The following STUM variants were observed in gnomAD, a reference collection of about 807,000 sequenced individuals.
STUM encodes the protein stum, mechanosensory transduction mediator homolog, also known as protein stum homolog.
A neutral mutation model predicts 15.3 loss-of-function variants in STUM; 8 were observed. The ratio of observed to expected loss-of-function variants is 0.52; its 90% CI spans 0.31 to 0.94. STUM has a LOEUF of 0.94. Ranked by LOEUF, STUM falls within the 40% of genes least tolerant of loss-of-function variation. The pLI is 0.05. For synonymous variants in STUM, 78 were observed against 88.7 expected (o/e 0.88, Z 0.68); for missense variants, 142 against 204.9 (o/e 0.69, Z 1.87).
At chr1:226,591,065 G>A (rs974462558) in intron 1 of STUM, among the ~76,000 whole-genome samples, 5 of 152,154 alleles carry the variant, frequency 3.3e-5, no homozygotes, top group Non-Finnish European at 7.3e-5. Context: ...ATTGCTGTTG[G>A]GTAGAGCGTT....
intron 1 of STUM, among the ~76,000 whole-genome samples, chr1:226,581,698 AG>A (rs1484175616): frequency 2.0e-5 from 3 of 152,162 alleles, no homozygotes; most frequent in Non-Finnish European, 4.4e-5. Context: ...GGTGGGGAGA[AG>A]AACTGGAAAC....
intron 1 of STUM, among the ~76,000 whole-genome samples, chr1:226,568,178 C>G (rs1667652746): frequency 1.3e-5 from 2 of 152,230 alleles, no homozygotes; most frequent in South Asian, 4.1e-4. Flanking sequence ...TCTGCAGGCT[C>G]TGGCAACGGC....
chr1:226,549,004 C>T lies in STUM; in HGVS notation c.100C>T (p.Gln34Ter). Reference sequence around the variant, plus strand: ...GTCCTCGTCCAGCGGGGTGGTGGTGCAGGTCCGCGAGAAGAAGGGCCCCCT... The same window carrying T: ...GTCCTCGTCCAGCGGGGTGGTGGTGTAGGTCCGCGAGAAGAAGGGCCCCCT... ...GASSSSGVVVQVREKKGPLRA... is the reference protein window; with the variant it reads ...GASSSSGVVV The change falls in exon 1 of 4, where the codon CAG (glutamine) becomes TAG (stop). Residue 34 changes from glutamine to a stop codon, truncating the protein, a stop_gained. Coordinates refer to ENST00000366788, the MANE Select transcript of STUM (RefSeq NM_001003665.4). LOFTEE classifies it high-confidence loss of function. This position sits in a 1 kb window ranked among gnomAD's most constrained non-coding sequence, Gnocchi z 6.8. 6.4e-7 allele frequency: 1 copy of T among 1,569,864 alleles called. No individual in the cohort carries two copies.
In STUM at chr1:226,600,238, G is replaced by T. The variant is rs77703094; in HGVS notation, c.383-428G>T. ...CACTTGAGACCAGGAGTTTGAGGCT[G>T]CAGTGAGACATGATCACACCACTAT... On this transcript the variant is annotated intron_variant, in intron 2 of 3. Coordinates refer to ENST00000366788, the MANE Select transcript of STUM (RefSeq NM_001003665.4). The surrounding 1 kb of genome is among the most constrained non-coding windows in gnomAD (Gnocchi z 5.2). 6.6e-6 allele frequency among the ~76,000 whole-genome samples: 1 copy of T among 152,218 alleles called. No homozygotes were observed. Among genetic ancestry groups the T allele is most frequent in the Admixed American group, 6.5e-5 (1 of 15,280 alleles).
rs369208296 is a variant in STUM at position 226,600,499 on chromosome 1, C to T, written c.383-167C>T. On this transcript the variant is annotated intron_variant, in intron 2 of 3. Transcript: ENST00000366788. This position sits in a 1 kb window ranked among gnomAD's most constrained non-coding sequence, Gnocchi z 5.2. ...CTGAGCACTCCCTGCCTGGGGATGG[C>T]GTCTGAGAAGCCACTGGCATGGCCC... 17 of 753,380 alleles carry T rather than the reference C, an allele frequency of 2.3e-5. No individual in the cohort carries two copies. The highest frequency in any genetic ancestry group is 6.9e-5 in the African/African-American group (4 of 57,950). 46.7% of individuals were successfully genotyped at this position (753,380 alleles called of 1,614,324 possible).
At chr1:226,582,057 C>T (rs570658920) in intron 1 of STUM, among the ~76,000 whole-genome samples, 141 of 152,338 alleles carry the variant, frequency 9.3e-4, no homozygotes, top group Non-Finnish European at 1.6e-3. Flanking sequence ...CACCCTGCAG[C>T]CATGCTGCTA....
At chr1:226,554,131 C>T (rs992392171) in intron 1 of STUM, among the ~76,000 whole-genome samples, 3 of 152,210 alleles carry the variant, frequency 2.0e-5, no homozygotes, top group African/African-American at 7.2e-5. Context: ...GCCGAACAGA[C>T]ACGTTAAGAG....
At chr1:226,554,931 T>C (rs1667422853) in intron 1 of STUM, among the ~76,000 whole-genome samples, 1 of 152,188 alleles carries the variant, frequency 6.6e-6, no homozygotes, top group South Asian at 2.1e-4. Flanking sequence ...ATCACTCACT[T>C]ACACTGCACT....
At chr1:226,553,175 C>A (rs650932) in intron 1 of STUM, among the ~76,000 whole-genome samples, 135,993 of 152,220 alleles carry the variant, frequency 0.89, 60,780 homozygotes, top group East Asian at 0.93. Context: ...CATGAAAAGC[C>A]ACCCTGGGAT....
chr1:226,564,567 A>G (rs1414496986), intron 1 of STUM, among the ~76,000 whole-genome samples: 1 of 151,684 alleles, frequency 6.6e-6, no homozygotes, highest in African/African-American at 2.4e-5. Flanking sequence ...CCAGGCATCT[A>G]CTCTTGGATT....
chr1:226,555,847 A>G (rs1165283256), intron 1 of STUM, among the ~76,000 whole-genome samples: 1 of 152,248 alleles, frequency 6.6e-6, no homozygotes, highest in Non-Finnish European at 1.5e-5. Context: ...CAACAGAAAT[A>G]TAAGTCACAT....
At chr1:226,595,219 AG>A (rs1668159612) in intron 1 of STUM, among the ~76,000 whole-genome samples, 1 of 152,208 alleles carries the variant, frequency 6.6e-6, no homozygotes, top group African/African-American at 2.4e-5. Context: ...GTGTAAAGGC[AG>A]GAGAAGATAA....
intron 1 of STUM, among the ~76,000 whole-genome samples, chr1:226,558,776 C>T (rs1667492168): frequency 6.6e-6 from 1 of 152,180 alleles, no homozygotes; most frequent in East Asian, 1.9e-4. Flanking sequence ...TCGTTAATTT[C>T]TAGGTCTGGG....
Position 226,604,416 on chromosome 1 carries a change from C to T in STUM, c.*2376C>T, listed in dbSNP as rs1407996167. 2.6e-5 allele frequency: 4 copies of T among 152,238 alleles called. No individual in the cohort carries two copies. Among genetic ancestry groups the T allele is most frequent in the Non-Finnish European group, 4.4e-5 (3 of 68,064 alleles). The allele number at this position is 152,238 out of a possible 1,614,324, so 9.4% of individuals were successfully genotyped here. A position where few individuals can be genotyped will look rare whatever the true frequency, so the allele number is the denominator to read the frequency against. ...TCTAAACCTGGGAAAACATCAGCCT[C>T]AGGAGGAGGCCCCTTTCCGGGTAAC... On this transcript the variant is annotated 3_prime_UTR_variant, in exon 4 of 4. Transcript: ENST00000366788. This position sits in a 1 kb window ranked among gnomAD's most constrained non-coding sequence, Gnocchi z 4.7.
chr1:226,564,551 T>C (rs1437188877), intron 1 of STUM, among the ~76,000 whole-genome samples: 4 of 152,228 alleles, frequency 2.6e-5, no homozygotes, highest in Non-Finnish European at 5.9e-5. Context: ...AGAACGTGCA[T>C]TGGAACCAGG....
At position 226,559,800 on chromosome 1, in the gene STUM, C is replaced by T. The variant is rs372708459; in HGVS notation, c.202+10694C>T. Among the ~76,000 whole-genome samples, 98 of 152,268 alleles carry T rather than the reference C, an allele frequency of 6.4e-4. 1 individual carries two copies. The highest frequency in any genetic ancestry group is 2.4e-3 in the African/African-American group (98 of 41,558). Reference sequence around the variant, plus strand: ...CATCCTGGCTAACATCGTGAAACCCCGTCTCTACTAAAAATACAAAAAATT... The same window carrying T: ...CATCCTGGCTAACATCGTGAAACCCTGTCTCTACTAAAAATACAAAAAATT... On this transcript the variant is annotated intron_variant, in intron 1 of 3. Transcript: ENST00000366788.
chr1:226,595,981 T>C (rs781365094), intron 1 of STUM, among the ~76,000 whole-genome samples: 5 of 152,152 alleles, frequency 3.3e-5, no homozygotes, highest in Non-Finnish European at 5.9e-5. Flanking sequence ...ATGACAGATA[T>C]AGAGAATGCT....
intron 3 of STUM, 119 bp from the exon 4 acceptor site, chr1:226,601,887 T>C (rs1668273906): frequency 2.6e-6 from 2 of 782,290 alleles, no homozygotes; most frequent in Non-Finnish European, 4.4e-6. Flanking sequence ...ATGGTAGCAG[T>C]CATTTACACC....
In STUM at chr1:226,597,001, G is replaced by T; in HGVS notation, c.382+20G>T. 1 of 1,612,908 alleles carries T rather than the reference G, an allele frequency of 6.2e-7. No homozygotes were observed. Among genetic ancestry groups the T allele is most frequent in the South Asian group, 1.1e-5 (1 of 91,046 alleles). ...TTGCCAGTGAGTAGCTGTTGGTGCT[G>T]CGCCTCCTGGGGGTGGGGAGTGGCC... On this transcript the variant is annotated intron_variant, in intron 2 of 3. Coordinates refer to ENST00000366788, the MANE Select transcript of STUM (RefSeq NM_001003665.4).
Sources: gnomAD v4.1 joint callset for allele counts (sites outside exome capture counted in the v4.1 genomes callset) on GRCh38, gnomAD v4.1.1 for gene constraint, Gnocchi (gnomAD v3.1) non-coding constraint, MANE v1.5 for transcripts, NCBI Gene and HGNC (gene_info 2026-07-23, HGNC 2026-07-21) for gene names.